The following RGS20 variants were observed in gnomAD, a reference collection of about 807,000 sequenced individuals.
RGS20 encodes regulator of G protein signaling 20, also known as gz-selective GTPase-activating protein.
A neutral mutation model predicts 33.6 loss-of-function variants in RGS20; 30 were observed. The observed-to-expected ratio is 0.89, with a 90% CI of 0.67 to 1.21. RGS20 has a LOEUF of 1.21. RGS20 is among the 50% of genes most tolerant of loss of function. RGS20 has a pLI of 0.00. For missense variants in RGS20, 472 were observed against 502.4 expected (o/e 0.94, Z 0.58); for synonymous variants, 208 against 197.9 (o/e 1.05, Z -0.43).
At chr8:53,939,035 G>A (rs928976392) in intron 2 of RGS20, among the ~76,000 whole-genome samples, 1 of 152,172 alleles carries the variant, frequency 6.6e-6, no homozygotes, top group African/African-American at 2.4e-5. Flanking sequence ...CTTCTGCAAG[G>A]TGACGCAGCT....
At position 53,929,874 on chromosome 8, in the gene RGS20, A is replaced by G. The variant is rs573447643; in HGVS notation, c.511-9702A>G. Among the ~76,000 whole-genome samples the G allele has an allele frequency of 2.0e-5, 3 of 152,104 alleles. No individual in the cohort carries two copies. In the East Asian group the frequency reaches 5.8e-4, roughly 29 times the overall value. ...ATAGGGCTAGAGAGTTAAAATTAAA[A>G]TTTTTTTTAATGTTAATAAGTTAGC... On this transcript the variant is annotated intron_variant, in intron 2 of 5. Transcript: ENST00000297313.
rs1336162153 is a variant in RGS20 at position 53,910,043 on chromosome 8, T to A, written c.511-29533T>A. ...TTTTATTAAATTCCCTGTTACATTA[T>A]CAAACAGAAAGGGTAAAGATGCATT... On this transcript the variant is annotated intron_variant, in intron 2 of 5. Coordinates refer to ENST00000297313, the MANE Select transcript of RGS20 (RefSeq NM_170587.4). Among the ~76,000 whole-genome samples, 4 of 152,130 alleles carry A rather than the reference T, an allele frequency of 2.6e-5. No individual in the cohort carries two copies. The East Asian group carries it at 7.7e-4, about 29-fold the overall frequency.
chr8:53,880,555 G>A (rs1326183639), intron 2 of RGS20, among the ~76,000 whole-genome samples: 5 of 152,154 alleles, frequency 3.3e-5, no homozygotes, highest in Non-Finnish European at 7.4e-5. Flanking sequence ...CCTTCCTCCC[G>A]CTCCCTTCAT....
chr8:53,952,916 G>C (rs1814751613), intron 4 of RGS20, among the ~76,000 whole-genome samples: 1 of 152,152 alleles, frequency 6.6e-6, no homozygotes. Flanking sequence ...AAGTATAGCA[G>C]TTCCCTAGAG....
chr8:53,911,246 C>T (rs1299938724), intron 2 of RGS20, among the ~76,000 whole-genome samples: 1 of 151,954 alleles, frequency 6.6e-6, no homozygotes, highest in Admixed American at 6.6e-5. Context: ...GAAAAGTAAG[C>T]CATTTTTTAA....
At chr8:53,863,636 A>G (rs1280209953) in intron 1 of RGS20, among the ~76,000 whole-genome samples, 1 of 151,872 alleles carries the variant, frequency 6.6e-6, no homozygotes, top group Non-Finnish European at 1.5e-5. Context: ...AAGCAAGATG[A>G]TGACATAAAG....
chr8:53,879,206 C>A, intron 1 of RGS20: 1 of 1,486,680 alleles, frequency 6.7e-7, no homozygotes, highest in Non-Finnish European at 9.3e-7. Context: ...ATCTAAGCGG[C>A]CGGACACCAC....
intron 2 of RGS20, among the ~76,000 whole-genome samples, chr8:53,886,145 T>C (rs1812541770): frequency 6.6e-6 from 1 of 152,202 alleles, no homozygotes; most frequent in Admixed American, 6.5e-5. Context: ...GCTTAGCATT[T>C]AGTACAATAA....
intron 1 of RGS20, among the ~76,000 whole-genome samples, chr8:53,862,775 A>C (rs1811837406): frequency 6.6e-6 from 1 of 152,164 alleles, no homozygotes; most frequent in Non-Finnish European, 1.5e-5. Context: ...CTCCAGCCTG[A>C]GTGATGGAGT....
In RGS20 at chr8:53,954,144, C is replaced by G; in HGVS notation, c.812C>G (p.Ala271Gly). ...TTTGACAAATTAATGGTCACTCCAGCAGGAAGGAATGCATTCCGTGAATTC... is the reference window on the plus strand; with the variant it reads ...TTTGACAAATTAATGGTCACTCCAGGAGGAAGGAATGCATTCCGTGAATTC... The change falls in exon 5 of 6, where the codon GCA (alanine) becomes GGA (glycine). Residue 271 changes from alanine to glycine, a missense_variant. Coordinates refer to ENST00000297313, the MANE Select transcript of RGS20 (RefSeq NM_170587.4). 1 of 1,614,056 alleles carries G rather than the reference C, an allele frequency of 6.2e-7. No individual in the cohort carries two copies. The highest frequency in any genetic ancestry group is 1.1e-5 in the South Asian group (1 of 91,078).
intron 2 of RGS20, among the ~76,000 whole-genome samples, chr8:53,917,283 G>T (rs746682611): frequency 4.6e-5 from 7 of 152,062 alleles, no homozygotes; most frequent in Non-Finnish European, 8.8e-5. Flanking sequence ...GAGTAGCTGG[G>T]ATTACAGGCA....
chr8:53,905,937 TC>T (rs1813154356), intron 2 of RGS20, among the ~76,000 whole-genome samples: 1 of 152,140 alleles, frequency 6.6e-6, no homozygotes. Flanking sequence ...ACTTTATGCC[TC>T]CTGTCCCCAG....
chr8:53,922,720 T>A (rs1325753029), intron 2 of RGS20, among the ~76,000 whole-genome samples: 1 of 152,218 alleles, frequency 6.6e-6, no homozygotes, highest in African/African-American at 2.4e-5. Context: ...TCACACAGGC[T>A]GGAGTGCAGT....
intron 2 of RGS20, among the ~76,000 whole-genome samples, chr8:53,900,557 G>A (rs1812987125): frequency 6.6e-6 from 1 of 152,128 alleles, no homozygotes; most frequent in Non-Finnish European, 1.5e-5. Context: ...ATATCAATAA[G>A]TACTAAATTT....
At chr8:53,906,247 G>A (rs1260701124) in intron 2 of RGS20, among the ~76,000 whole-genome samples, 1 of 152,058 alleles carries the variant, frequency 6.6e-6, no homozygotes, top group African/African-American at 2.4e-5. Flanking sequence ...ATGGTGGCAC[G>A]TGCCTACAGT....
intron 2 of RGS20, among the ~76,000 whole-genome samples, chr8:53,890,542 TCC>T (rs1812684852): frequency 6.6e-6 from 1 of 152,236 alleles, no homozygotes; most frequent in Non-Finnish European, 1.5e-5. Context: ...GGATTGAATC[TCC>T]CTTGGAGGGA....
chr8:53,934,068 T>G (rs189101940), intron 2 of RGS20, among the ~76,000 whole-genome samples: 6 of 152,330 alleles, frequency 3.9e-5, no homozygotes, highest in Admixed American at 2.0e-4. Context: ...TGAGAGATTT[T>G]GTCACCACCA....
intron 2 of RGS20, among the ~76,000 whole-genome samples, chr8:53,915,555 G>A (rs1813460290): frequency 6.6e-6 from 1 of 152,100 alleles, no homozygotes; most frequent in African/African-American, 2.4e-5. Context: ...CACCTTCCAT[G>A]TCTCCCATGG....
intron 2 of RGS20, among the ~76,000 whole-genome samples, chr8:53,892,493 G>A (rs1812739959): frequency 6.6e-6 from 1 of 152,166 alleles, no homozygotes; most frequent in African/African-American, 2.4e-5. Context: ...CCATTATTGG[G>A]TATATACCCA....
Sources: gnomAD v4.1 joint callset for allele counts (sites outside exome capture counted in the v4.1 genomes callset) on GRCh38, gnomAD v4.1.1 for gene constraint, MANE v1.5 for transcripts, NCBI Gene and HGNC (gene_info 2026-07-23, HGNC 2026-07-21) for gene names.